The following TMEM240 variants were observed in gnomAD, a reference collection of about 807,000 sequenced individuals.
The protein encoded by TMEM240 is transmembrane protein C1orf70.
A neutral mutation model predicts 19.5 loss-of-function variants in TMEM240; 3 were observed. That is an observed-to-expected ratio of 0.15 (90% confidence interval 0.07 to 0.40). The LOEUF is 0.40. Among genes scored for constraint, TMEM240 ranks in the 10% least tolerant of loss-of-function variants. The pLI, the probability that TMEM240 is intolerant of heterozygous loss-of-function variation, is 1.00. For missense variants in TMEM240, 210 were observed against 253.5 expected (o/e 0.83, Z 1.17); for synonymous variants, 123 against 109.3 (o/e 1.13, Z -0.78).
intron 2 of TMEM240, among the ~76,000 whole-genome samples, chr1:1,537,301 G>A (rs1276365017): frequency 1.3e-5 from 2 of 152,030 alleles, no homozygotes; most frequent in Non-Finnish European, 2.9e-5. Context: ...CTGATTCCTG[G>A]TGGCCACCGA....
At position 1,535,739 on chromosome 1, in the gene TMEM240, C is replaced by T. The variant is rs755714285; in HGVS notation, c.223G>A (p.Glu75Lys). 28 of 1,550,356 alleles carry T rather than the reference C, an allele frequency of 1.8e-5. No individual in the cohort carries two copies. The highest frequency in any genetic ancestry group is 7.3e-5 in the East Asian group (3 of 40,900). ...DGDQSVVDAS[E>K]NYFVTDSVTK... ...ACACTGTCCGTCACAAAGTAGTTCT[C>T]GGAGGCGTCCACCACCGACTGGTCC... The change falls in exon 3 of 4, where the codon GAG (glutamate) becomes AAG (lysine). Residue 75 changes from glutamate (E) to lysine (K), a missense_variant. Around this residue, in one of 3 missense-constraint regions of TMEM240, gnomAD observed 157 missense variants for 168.2 expected, o/e 0.93. Transcript: ENST00000378733. The surrounding 1 kb of genome is among the most constrained non-coding windows in gnomAD (Gnocchi z 8.2).
chr1:1,536,530 G>T lies in TMEM240; in HGVS notation c.165-733C>A, dbSNP rs1229549654. ...GCCCTTTCGTCCTCAGTGCCTGCGC[G>T]CCTCCATGTCCCTCGGCCTCCCCTC... is the stretch of plus-strand genomic sequence containing the variant. On this transcript the variant is annotated intron_variant, in intron 2 of 3. Coordinates refer to ENST00000378733, the MANE Select transcript of TMEM240 (RefSeq NM_001114748.2). The surrounding 1 kb of genome is among the most constrained non-coding windows in gnomAD (Gnocchi z 5.4). Among the ~76,000 whole-genome samples the T allele has an allele frequency of 6.6e-6, 1 of 152,184 alleles. No individual in the cohort carries two copies. Among genetic ancestry groups the T allele is most frequent in the African/African-American group, 2.4e-5 (1 of 41,448 alleles).
At position 1,534,781 on chromosome 1, in the gene TMEM240, C is replaced by T. The variant is rs75249696; in HGVS notation, c.*578G>A. 3,252 of 155,068 alleles carry T rather than the reference C, an allele frequency of 0.021. 118 individuals carry two copies. Among genetic ancestry groups the T allele is most frequent in the African/African-American group, 0.073 (3,052 of 41,552 alleles). 9.6% of individuals were successfully genotyped at this position (155,068 alleles called of 1,614,324 possible). The stretch of plus-strand genomic sequence containing the variant: ...AGGTGACAGAAGAGGCGGAGGCTGG[C>T]GCTTTCTGGAGAATTTACTGACCAC... On this transcript the variant is annotated 3_prime_UTR_variant, in exon 4 of 4. Transcript: ENST00000378733.
At chr1:1,537,034 C>G (rs898593138) in intron 2 of TMEM240, among the ~76,000 whole-genome samples, 2 of 152,114 alleles carry the variant, frequency 1.3e-5, no homozygotes, top group Non-Finnish European at 1.5e-5. Context: ...CCAGCCTGTC[C>G]GTCCAACCCA....
chr1:1,539,471 C>T (rs1642268328), intron 2 of TMEM240: 3 of 580,424 alleles, frequency 5.2e-6, no homozygotes, highest in East Asian at 6.0e-5. Context: ...TCCGCCATCA[C>T]CCTGGAGGCC....
At chr1:1,540,254 G>A (rs1016537114) in intron 1 of TMEM240, 36 bp downstream of exon 1, 31 of 1,287,992 alleles carry the variant, frequency 2.4e-5, no homozygotes, top group Non-Finnish European at 3.1e-5. Context: ...CGCGGGCGGG[G>A]AGCAGGGGGC....
rs1435395163 is a variant in TMEM240 at position 1,535,622 on chromosome 1, C to T, written c.340G>A (p.Ala114Thr). 20 of 1,549,660 alleles carry T rather than the reference C, an allele frequency of 1.3e-5. No homozygotes were observed. The highest frequency in any genetic ancestry group is 1.2e-4 in the East Asian group (5 of 40,896). ...CGTCCGGCTCTCCAGGCGCGCACGG[C>T]GCAGTGCAGGACGCCGTCCATCCAC... Reference protein sequence around the residue: ...LVWMDGVLHCAVRAWRAGRRY... With the variant: ...LVWMDGVLHCTVRAWRAGRRY... Residue 114 changes from alanine to threonine, a missense_variant, in exon 3 of 4, where the codon GCC becomes ACC. Physicochemically the swap from Ala to Thr is moderately conservative, Grantham distance 58. Transcript: ENST00000378733. The surrounding 1 kb of genome is among the most constrained non-coding windows in gnomAD (Gnocchi z 8.2).
chr1:1,537,695 G>C (rs1227512653), intron 2 of TMEM240, among the ~76,000 whole-genome samples: 2 of 152,222 alleles, frequency 1.3e-5, no homozygotes, highest in Admixed American at 6.5e-5. Flanking sequence ...CTGAGGCCCA[G>C]TGTACATCAC....
chr1:1,537,938 A>C (rs932126468), intron 2 of TMEM240, among the ~76,000 whole-genome samples: 1 of 152,204 alleles, frequency 6.6e-6, no homozygotes, highest in Admixed American at 6.5e-5. Flanking sequence ...CACGTTCTCC[A>C]CGTCAACGTC....
rs545094668 is a variant in TMEM240 at position 1,538,236 on chromosome 1, TAG to T, written c.164+1446_164+1447del. 1.7e-3 allele frequency among the ~76,000 whole-genome samples: 252 copies of T among 152,324 alleles called. 2 individuals are homozygous for T. Among genetic ancestry groups the T allele is most frequent in the African/African-American group, 3.4e-3 (142 of 41,564 alleles). On this transcript the variant is annotated intron_variant, in intron 2 of 3. Transcript: ENST00000378733. ...ACGCTGAACGTACATATCCTGTATG[TAG>T]AGATGTGAACAGAGCATAGATACAT...
Position 1,535,744 on chromosome 1 carries a change from G to T in TMEM240, c.218C>A (p.Ala73Asp), listed in dbSNP as rs957895627. 7 of 1,550,370 alleles carry T rather than the reference G, an allele frequency of 4.5e-6. No individual in the cohort carries two copies. The highest frequency in any genetic ancestry group is 6.1e-6 in the Non-Finnish European group (7 of 1,146,692). Residue 73 changes from alanine (A) to aspartate (D), a missense_variant, in exon 3 of 4, where the codon GCC (alanine) becomes GAC (aspartate). Ala to Asp is a moderately radical substitution (Grantham distance 126). Coordinates refer to ENST00000378733, the MANE Select transcript of TMEM240 (RefSeq NM_001114748.2). This position sits in a 1 kb window ranked among gnomAD's most constrained non-coding sequence, Gnocchi z 8.2. ...PYDGDQSVVDASENYFVTDSV... is the reference protein window; with the variant it reads ...PYDGDQSVVDDSENYFVTDSV... Reference sequence around the variant, plus strand: ...GTCCGTCACAAAGTAGTTCTCGGAGGCGTCCACCACCGACTGGTCCCCGTC... The same window carrying T: ...GTCCGTCACAAAGTAGTTCTCGGAGTCGTCCACCACCGACTGGTCCCCGTC...
rs556273798 is a variant in TMEM240 at position 1,536,962 on chromosome 1, C to G, written c.165-1165G>C. Among the ~76,000 whole-genome samples the G allele has an allele frequency of 6.6e-6, 1 of 152,072 alleles. No homozygotes were observed. Among genetic ancestry groups the G allele is most frequent in the Non-Finnish European group, 1.5e-5 (1 of 68,004 alleles). On this transcript the variant is annotated intron_variant, in intron 2 of 3. Transcript: ENST00000378733. This position sits in a 1 kb window ranked among gnomAD's most constrained non-coding sequence, Gnocchi z 5.4. ...GCAGCGCCTCAGCCTGGTTTTCAGC[C>G]GAGACCCAGAGACCACCCCACCCTC...
chr1:1,536,568 G>T lies in TMEM240; in HGVS notation c.165-771C>A, dbSNP rs1642226200. 6.6e-6 allele frequency among the ~76,000 whole-genome samples: 1 copy of T among 151,074 alleles called. No individual in the cohort carries two copies. Among genetic ancestry groups the T allele is most frequent in the Admixed American group, 6.6e-5 (1 of 15,262 alleles). ...TCGGCCTCCCCTCCCCGGGCTCTTGGGGGAACTGCCCAGGCTCAGGCCACA... is the reference window on the plus strand; with the variant it reads ...TCGGCCTCCCCTCCCCGGGCTCTTGTGGGAACTGCCCAGGCTCAGGCCACA... On this transcript the variant is annotated intron_variant, in intron 2 of 3. Transcript: ENST00000378733. The surrounding 1 kb of genome is among the most constrained non-coding windows in gnomAD (Gnocchi z 5.4).
intron 2 of TMEM240, chr1:1,538,945 G>A (rs1328011572): frequency 6.6e-6 from 1 of 152,400 alleles, no homozygotes; most frequent in Non-Finnish European, 1.5e-5. Flanking sequence ...GTTCAGCAGG[G>A]TTAACAGCGG....
Position 1,536,201 on chromosome 1 carries a change from C to T in TMEM240, c.165-404G>A, listed in dbSNP as rs1053420578. Among the ~76,000 whole-genome samples, 60 of 152,222 alleles carry T rather than the reference C, an allele frequency of 3.9e-4. No homozygotes were observed. Among genetic ancestry groups the T allele is most frequent in the African/African-American group, 1.3e-3 (52 of 41,518 alleles). Reference sequence around the variant, plus strand: ...AGGGTCACAGCTCACCCGCCCGCCCCGGGGCCGCGGAGGCCACTTGGAGCA... The same window carrying T: ...AGGGTCACAGCTCACCCGCCCGCCCTGGGGCCGCGGAGGCCACTTGGAGCA... On this transcript the variant is annotated intron_variant, in intron 2 of 3. Coordinates refer to ENST00000378733, the MANE Select transcript of TMEM240 (RefSeq NM_001114748.2). This position sits in a 1 kb window ranked among gnomAD's most constrained non-coding sequence, Gnocchi z 5.4.
In TMEM240 at chr1:1,536,700, G is replaced by C. The variant is rs932509475; in HGVS notation, c.165-903C>G. Among the ~76,000 whole-genome samples the C allele has an allele frequency of 2.0e-5, 3 of 152,050 alleles. No homozygotes were observed. The East Asian group carries it at 5.8e-4, about 30-fold the overall frequency. ...TCTCCGGGCCTTGACTCTGCCGATCGGACTGGCATCCCAGACAGTCAACTC... is the reference window on the plus strand; with the variant it reads ...TCTCCGGGCCTTGACTCTGCCGATCCGACTGGCATCCCAGACAGTCAACTC... On this transcript the variant is annotated intron_variant, in intron 2 of 3. Coordinates refer to ENST00000378733, the MANE Select transcript of TMEM240 (RefSeq NM_001114748.2). The surrounding 1 kb of genome is among the most constrained non-coding windows in gnomAD (Gnocchi z 5.4).
intron 2 of TMEM240, among the ~76,000 whole-genome samples, chr1:1,537,952 G>A (rs147691502): frequency 2.0e-4 from 31 of 152,320 alleles, no homozygotes; most frequent in Admixed American, 6.5e-4. Context: ...CAACGTCTAC[G>A]TATAGGCACG....
At chr1:1,537,824 G>T (rs535545501) in intron 2 of TMEM240, among the ~76,000 whole-genome samples, 10 of 152,340 alleles carry the variant, frequency 6.6e-5, no homozygotes, top group African/African-American at 2.2e-4. Context: ...GCTTGGCTTT[G>T]CAAAACGCAG....
At chr1:1,538,975 T>G (rs1191837390) in intron 2 of TMEM240, 1 of 152,422 alleles carries the variant, frequency 6.6e-6, no homozygotes, top group Non-Finnish European at 1.5e-5. Context: ...GAGGGTGTCC[T>G]GAGGGGTGGA....
Sources: gnomAD v4.1 joint callset for allele counts (sites outside exome capture counted in the v4.1 genomes callset) on GRCh38, gnomAD v4.1.1 for gene constraint, gnomAD v4.1.1 regional missense constraint, Gnocchi (gnomAD v3.1) non-coding constraint, MANE v1.5 for transcripts, NCBI Gene and HGNC (gene_info 2026-07-23, HGNC 2026-07-21) for gene names.